SNTB2: variants seen among roughly 807,000 people sequenced by gnomAD.
SNTB2 encodes the protein beta-2-syntrophin.
A neutral mutation model predicts 46.2 loss-of-function variants in SNTB2; 34 were observed. The ratio of observed to expected loss-of-function variants is 0.74; its 90% CI spans 0.56 to 0.98. SNTB2 has a LOEUF of 0.98. Ranked by LOEUF, SNTB2 falls within the 50% of genes least tolerant of loss-of-function variation. The pLI is 0.00. For synonymous variants in SNTB2, 290 were observed against 312.6 expected, an observed-to-expected ratio of 0.93 and a Z score of 0.76; for missense variants, 603 against 731.4, an observed-to-expected ratio of 0.82 and a Z score of 2.02.
chr16:69,272,831 A>C (rs1964951083), intron 4 of SNTB2, among the ~76,000 whole-genome samples: 1 of 145,612 alleles, frequency 6.9e-6, no homozygotes, highest in Non-Finnish European at 1.5e-5. Flanking sequence ...TGGAGGTTGC[A>C]GTGAACTGAT....
chr16:69,264,593 C>G (rs943076642), intron 3 of SNTB2, among the ~76,000 whole-genome samples: 1 of 152,098 alleles, frequency 6.6e-6, no homozygotes, highest in African/African-American at 2.4e-5. Context: ...CACCCAAAGG[C>G]AGAACTACTT....
chr16:69,284,459 TAAAAAAAAA>T (rs3087058), intron 5 of SNTB2, among the ~76,000 whole-genome samples: 3 of 45,908 alleles, frequency 6.5e-5, no homozygotes, highest in African/African-American at 2.5e-4. Flanking sequence ...CCGTCTTTAC[TAAAAAAAAA>T]AAAAAAAAAA....
rs76722156 is a variant in SNTB2 at position 69,308,915 on chromosome 16, A to G, written c.*7991A>G. ...CTCTATAAATATAGATGCATAAACA[A>G]CACTTCCCCTTGAGTAGCACATCAA... On this transcript the variant is annotated 3_prime_UTR_variant, in exon 7 of 7. Coordinates refer to ENST00000336278, the MANE Select transcript of SNTB2 (RefSeq NM_006750.4). The G allele has an allele frequency of 2.9e-4, 45 of 152,748 alleles. No individual in the cohort carries two copies. In the East Asian group the frequency reaches 7.9e-3, roughly 27 times the overall value. The allele number at this position is 152,748 out of a possible 1,614,324, so 9.5% of individuals were successfully genotyped here.
intron 2 of SNTB2, among the ~76,000 whole-genome samples, chr16:69,253,340 T>G (rs575164193): frequency 6.6e-6 from 1 of 152,074 alleles, no homozygotes; most frequent in South Asian, 2.1e-4. Context: ...ATCGCAAAAT[T>G]TTTCTTTTCA....
intron 1 of SNTB2, among the ~76,000 whole-genome samples, chr16:69,222,986 A>G (rs1964421670): frequency 6.6e-6 from 1 of 151,840 alleles, no homozygotes; most frequent in South Asian, 2.1e-4. Context: ...GTTTCACCAC[A>G]GTGGCCAGGC....
At chr16:69,261,388 T>C (rs1964833481) in intron 3 of SNTB2, among the ~76,000 whole-genome samples, 1 of 151,850 alleles carries the variant, frequency 6.6e-6, no homozygotes, top group Non-Finnish European at 1.5e-5. Flanking sequence ...GGTAGGTCTG[T>C]GGGTGGTGCC....
chr16:69,237,603 C>T (rs140408263), intron 1 of SNTB2, among the ~76,000 whole-genome samples: 38 of 118,726 alleles, frequency 3.2e-4, no homozygotes, highest in African/African-American at 5.7e-4. Context: ...TTCTTTCTTT[C>T]TTTTTTTTTT....
At chr16:69,213,982 C>T (rs552326118) in intron 1 of SNTB2, among the ~76,000 whole-genome samples, 114 of 149,434 alleles carry the variant, frequency 7.6e-4, no homozygotes, top group South Asian at 6.1e-3. Context: ...CCACCATGCC[C>T]GGCTAATTTT....
At chr16:69,270,931 C>T (rs1194612712) in intron 4 of SNTB2, among the ~76,000 whole-genome samples, 1 of 152,118 alleles carries the variant, frequency 6.6e-6, no homozygotes, top group Non-Finnish European at 1.5e-5. Flanking sequence ...ACAAAAGAAT[C>T]AGGTGTTGAT....
In SNTB2 at chr16:69,215,213, G is replaced by A. The variant is rs375738531; in HGVS notation, c.580+27467G>A. On this transcript the variant is annotated intron_variant, in intron 1 of 6. Transcript: ENST00000336278. ...ATCCTGGGTAATGCAGTGAGAGCCTGTCTCTATGAAAATATTAAAAAATTA... is the reference window on the plus strand; with the variant it reads ...ATCCTGGGTAATGCAGTGAGAGCCTATCTCTATGAAAATATTAAAAAATTA... Among the ~76,000 whole-genome samples the A allele has an allele frequency of 2.6e-4, 39 of 152,234 alleles. 1 individual carries two copies. In the East Asian group the frequency reaches 7.0e-3, roughly 27 times the overall value.
At position 69,187,558 on chromosome 16, in the gene SNTB2, A is replaced by C. The variant is rs1464127939; in HGVS notation, c.392A>C (p.Lys131Thr). 2.0e-6 allele frequency: 3 copies of C among 1,496,478 alleles called. No homozygotes were observed. In the South Asian group the frequency reaches 3.9e-5, roughly 19 times the overall value. 92.7% of individuals were successfully genotyped at this position (1,496,478 alleles called of 1,614,324 possible). A position where few individuals can be genotyped will look rare whatever the true frequency, so the allele number is the denominator to read the frequency against. Reference protein sequence around the residue: ...QEAGGLGISIKGGRENRMPIL... With the variant: ...QEAGGLGISITGGRENRMPIL... Reference sequence around the variant, plus strand: ...GCGGGCGGCCTGGGCATCAGCATCAAGGGCGGCCGCGAGAACCGGATGCCG... The same window carrying C: ...GCGGGCGGCCTGGGCATCAGCATCACGGGCGGCCGCGAGAACCGGATGCCG... The change falls in exon 1 of 7, where the codon AAG (lysine) becomes ACG (threonine). Residue 131 changes from lysine to threonine, a missense_variant. By Grantham distance (78) the Lys-to-Thr change is moderately conservative. This residue lies in a region of SNTB2 where 537 missense variants were observed against 692.4 expected (regional missense o/e 0.78). Transcript: ENST00000336278.
intron 1 of SNTB2, among the ~76,000 whole-genome samples, chr16:69,212,431 C>A (rs901828435): frequency 2.6e-5 from 4 of 151,646 alleles, no homozygotes; most frequent in African/African-American, 7.3e-5. Flanking sequence ...CTCTGCCTCC[C>A]GGGTTCAAGC....
intron 1 of SNTB2, among the ~76,000 whole-genome samples, chr16:69,240,125 T>A (rs1964596848): frequency 6.6e-6 from 1 of 152,214 alleles, no homozygotes; most frequent in Non-Finnish European, 1.5e-5. Flanking sequence ...AAGTTTTCAT[T>A]TCTCTAGAAT....
chr16:69,211,633 G>T (rs778895441), intron 1 of SNTB2, among the ~76,000 whole-genome samples: 1 of 151,948 alleles, frequency 6.6e-6, no homozygotes, highest in East Asian at 1.9e-4. Flanking sequence ...TTTGTTTTAC[G>T]TGGATTTATA....
intron 1 of SNTB2, among the ~76,000 whole-genome samples, chr16:69,210,591 T>C (rs1434841038): frequency 6.6e-6 from 1 of 151,886 alleles, no homozygotes; most frequent in Non-Finnish European, 1.5e-5. Context: ...TGGAGTGCAG[T>C]AGTGTGATCA....
chr16:69,289,644 T>G (rs1232069569), intron 5 of SNTB2, among the ~76,000 whole-genome samples: 1 of 151,996 alleles, frequency 6.6e-6, no homozygotes, highest in Non-Finnish European at 1.5e-5. Flanking sequence ...TATTACATAT[T>G]AATATAAAAA....
At chr16:69,213,822 CTTTTTTT>C (rs35759695) in intron 1 of SNTB2, among the ~76,000 whole-genome samples, 4 of 91,636 alleles carry the variant, frequency 4.4e-5, no homozygotes, top group Non-Finnish European at 6.2e-5. Context: ...TTTTAGAGTT[CTTTTTTT>C]TTTTTTTTTT....
At chr16:69,263,442 G>A (rs953170244) in intron 3 of SNTB2, among the ~76,000 whole-genome samples, 13 of 147,906 alleles carry the variant, frequency 8.8e-5, no homozygotes, top group Admixed American at 4.7e-4. Flanking sequence ...TTTTGAGACG[G>A]AGTTTCGCTC....
At chr16:69,210,953 T>A (rs558437044) in intron 1 of SNTB2, among the ~76,000 whole-genome samples, 1 of 152,098 alleles carries the variant, frequency 6.6e-6, no homozygotes, top group East Asian at 1.9e-4. Context: ...ATTGCACCAC[T>A]CCACTCCAGC....
Sources: allele counts gnomAD v4.1 joint callset (sites outside exome capture counted in the v4.1 genomes callset), GRCh38; gene constraint gnomAD v4.1.1; regional missense constraint gnomAD v4.1.1; transcripts MANE v1.5; gene names NCBI Gene and HGNC (gene_info 2026-07-23, HGNC 2026-07-21).